The following COG6 variants were observed in gnomAD, a reference collection of about 807,000 sequenced individuals.
COG6 encodes the protein conserved oligomeric Golgi complex subunit 6.
COG6 carries 74 observed loss-of-function variants against 88.8 expected under a neutral mutation model. The observed-to-expected ratio is 0.83, with a 90% CI of 0.69 to 1.01. The LOEUF is 1.01. COG6 is among the 50% of genes least tolerant of loss of function. The probability of loss-of-function intolerance (pLI) is 0.00; values close to 1 mark genes in which losing one functional copy is unlikely to be tolerated. For synonymous variants in COG6, 286 were observed against 278.7 expected (o/e 1.03, Z -0.26); for missense variants, 800 against 797.9 (o/e 1.00, Z -0.03).
intron 8 of COG6, among the ~76,000 whole-genome samples, chr13:39,686,057 T>A (rs1392362590): frequency 6.6e-6 from 1 of 152,204 alleles, no homozygotes; most frequent in African/African-American, 2.4e-5. Flanking sequence ...TTCACATGTT[T>A]ACCAAAATGT....
chr13:39,734,887 T>G (rs1395413583), intron 18 of COG6, among the ~76,000 whole-genome samples: 2 of 152,210 alleles, frequency 1.3e-5, no homozygotes, highest in Non-Finnish European at 2.9e-5. Flanking sequence ...TGCCTTCAAA[T>G]CTATTTTTTC....
intron 8 of COG6, 44 bp downstream of exon 8, chr13:39,682,308 T>C (rs1876363201): frequency 8.9e-7 from 1 of 1,121,060 alleles, no homozygotes; most frequent in Non-Finnish European, 1.4e-6. Flanking sequence ...CTACTTTTCT[T>C]TTGATATCTT....
chr13:39,775,553 C>G (rs755998325), intron 18 of COG6, among the ~76,000 whole-genome samples: 1 of 152,150 alleles, frequency 6.6e-6, no homozygotes, highest in African/African-American at 2.4e-5. Context: ...TTCCTCATCA[C>G]TAAAACTGAG....
chr13:39,682,289 A>C, intron 8 of COG6, 25 bp downstream of exon 8: 1 of 1,385,284 alleles, frequency 7.2e-7, no homozygotes, highest in Non-Finnish European at 1.0e-6. Flanking sequence ...CTTAATTAAA[A>C]ATGAAAGCCT....
chr13:39,715,056 G>T (rs1878451493), intron 13 of COG6, among the ~76,000 whole-genome samples: 1 of 152,052 alleles, frequency 6.6e-6, no homozygotes, highest in Non-Finnish European at 1.5e-5. Context: ...GACTCAGAAG[G>T]GGGAGAGGAT....
chr13:39,756,710 G>T (rs1880846697), downstream of COG6, among the ~76,000 whole-genome samples: 1 of 151,478 alleles, frequency 6.6e-6, no homozygotes, highest in African/African-American at 2.4e-5. Flanking sequence ...AAACCAAAAG[G>T]CATTAGCTGG....
intron 18 of COG6, among the ~76,000 whole-genome samples, chr13:39,739,585 G>A (rs1879943232): frequency 1.3e-5 from 2 of 151,948 alleles, no homozygotes; most frequent in South Asian, 4.1e-4. Context: ...AAACACTATA[G>A]CCAAAGCATA....
chr13:39,715,904 T>G (rs75370341), intron 13 of COG6, among the ~76,000 whole-genome samples: 8,986 of 152,076 alleles, frequency 0.059, 375 homozygotes, highest in Non-Finnish European at 0.094. Context: ...AAAAACCCTC[T>G]TCTTGGAAAT....
intron 18 of COG6, among the ~76,000 whole-genome samples, chr13:39,787,781 G>C (rs1360665908): frequency 1.3e-5 from 2 of 152,072 alleles, no homozygotes; most frequent in African/African-American, 4.8e-5. Context: ...TAACAACTAA[G>C]CACATTGTAT....
At chr13:39,679,426 C>A in intron 5 of COG6, 112 bp from the exon 6 acceptor site, 1 of 725,596 alleles carries the variant, frequency 1.4e-6, no homozygotes, top group Non-Finnish European at 2.6e-6. Context: ...TATAGGAAGG[C>A]TTCCCTAAAA....
At chr13:39,789,982 C>T (rs1881893445) in exon 19 of COG6, 2 of 152,078 alleles carry the variant, frequency 1.3e-5, no homozygotes, top group Non-Finnish European at 2.9e-5. Context: ...ATATTATCCA[C>T]CTGGTATTAA....
downstream of COG6, among the ~76,000 whole-genome samples, chr13:39,755,344 T>G (rs1880798454): frequency 6.6e-6 from 1 of 152,142 alleles, no homozygotes; most frequent in Admixed American, 6.5e-5. Context: ...ATTTGCAGAT[T>G]ATCCTTATTT....
intron 18 of COG6, among the ~76,000 whole-genome samples, chr13:39,778,782 CT>C (rs1478068730): frequency 6.6e-6 from 1 of 152,222 alleles, no homozygotes; most frequent in Non-Finnish European, 1.5e-5. Context: ...GCCAGGGTGG[CT>C]TATCCACATG....
intron 17 of COG6, among the ~76,000 whole-genome samples, chr13:39,726,727 G>A (rs1340049139): frequency 6.6e-6 from 1 of 151,852 alleles, no homozygotes; most frequent in Non-Finnish European, 1.5e-5. Flanking sequence ...AGTCCTACAT[G>A]ATCTCTACTT....
downstream of COG6, among the ~76,000 whole-genome samples, chr13:39,754,895 C>T (rs4943694): frequency 0.41 from 62,879 of 151,842 alleles, 13,368 homozygotes; most frequent in Admixed American, 0.56. Context: ...ATAATTCAGC[C>T]GGATGTCCTT....
At chr13:39,662,278 C>T (rs1343132098) in intron 3 of COG6, among the ~76,000 whole-genome samples, 2 of 151,692 alleles carry the variant, frequency 1.3e-5, no homozygotes, top group Non-Finnish European at 2.9e-5. Context: ...AGGCGCCTGA[C>T]ACCATGCCTG....
intron 4 of COG6, among the ~76,000 whole-genome samples, chr13:39,675,132 ATCT>A (rs986190740): frequency 2.0e-5 from 3 of 152,064 alleles, no homozygotes; most frequent in African/African-American, 4.8e-5. Context: ...CACAAACATA[ATCT>A]TAAATACGCT....
intron 3 of COG6, among the ~76,000 whole-genome samples, chr13:39,662,191 G>A (rs987483578): frequency 2.1e-5 from 3 of 146,256 alleles, no homozygotes; most frequent in South Asian, 2.2e-4. Context: ...CCTTAGTGGC[G>A]TGATCTCGGC....
intron 18 of COG6, among the ~76,000 whole-genome samples, chr13:39,767,410 G>A (rs1045913106): frequency 4.4e-5 from 6 of 137,234 alleles, no homozygotes; most frequent in African/African-American, 1.6e-4. Flanking sequence ...AGAAATTACG[G>A]ATTTTTTTCT....
Sources: allele counts gnomAD v4.1 joint callset (sites outside exome capture counted in the v4.1 genomes callset), GRCh38; gene constraint gnomAD v4.1.1; transcripts MANE v1.5; gene names NCBI Gene and HGNC (gene_info 2026-07-23, HGNC 2026-07-21).